The following FARP2 variants were observed in gnomAD, a reference collection of about 807,000 sequenced individuals.
FARP2 encodes the protein FERM, ARHGEF and pleckstrin domain-containing protein 2.
FARP2 carries 111 observed loss-of-function variants against 130.5 expected under a neutral mutation model. The observed-to-expected ratio is 0.85, with a 90% CI of 0.73 to 1.00. FARP2 has a LOEUF of 1.00. Ranked by LOEUF, FARP2 falls within the 50% of genes least tolerant of loss-of-function variation. FARP2 has a pLI of 0.00. For synonymous variants in FARP2, 504 were observed against 516.9 expected (o/e 0.98, Z 0.34); for missense variants, 1,385 against 1,346.3 (o/e 1.03, Z -0.45).
At chr2:241,417,155 G>T (rs2062694592) in intron 7 of FARP2, among the ~76,000 whole-genome samples, 1 of 150,990 alleles carries the variant, frequency 6.6e-6, no homozygotes, top group Non-Finnish European at 1.5e-5. Context: ...CAAAAAGCTG[G>T]GCATGGTAGC....
chr2:241,369,929 C>T (rs1347252443), intron 1 of FARP2, among the ~76,000 whole-genome samples: 1 of 152,046 alleles, frequency 6.6e-6, no homozygotes, highest in Non-Finnish European at 1.5e-5. Context: ...CTTACTTTTG[C>T]ATTAACTACT....
At position 241,463,985 on chromosome 2, in the gene FARP2, G is replaced by T. The variant is rs1374209647; in HGVS notation, c.1893+5G>T. 1 of 1,611,928 alleles carries T rather than the reference G, an allele frequency of 6.2e-7. No homozygotes were observed. Among genetic ancestry groups the T allele is most frequent in the East Asian group, 2.2e-5 (1 of 44,868 alleles). On this transcript the variant is annotated splice_donor_5th_base_variant and intron_variant, in intron 17 of 26. Transcript: ENST00000264042. ...AGGAACATGCGCCAGTTAAAGGTAG[G>T]CTGCATGGTGACTACTGCCTACATG...
intron 13 of FARP2, among the ~76,000 whole-genome samples, chr2:241,447,966 T>A (rs1574842624): frequency 6.6e-6 from 1 of 151,898 alleles, no homozygotes; most frequent in Non-Finnish European, 1.5e-5. Context: ...GTGGGCAGGG[T>A]GCTCAGTGAG....
At chr2:241,449,348 A>T (rs1229464705) in intron 13 of FARP2, among the ~76,000 whole-genome samples, 2 of 152,130 alleles carry the variant, frequency 1.3e-5, no homozygotes, top group African/African-American at 4.8e-5. Flanking sequence ...GTAACAATTC[A>T]TTCATTGAGC....
In FARP2 at chr2:241,434,297, GC is replaced by G. The variant is rs1268471695; in HGVS notation, c.1009del (p.Arg337GlyfsTer15). Reference protein sequence around the residue: ...PKPKAKAVFFSRGSSFRYSGR... With the variant: ...PKPKAKAVFFXRGSSFRYSGR... ...CCAAAAGCAAAAGCCGTCTTCTTCA[GC>G]CGGGGCTCCTCCTTCAGATACAGGT... is the stretch of plus-strand genomic sequence containing the variant. On this transcript the variant is annotated frameshift_variant, in exon 10 of 27. Transcript: ENST00000264042. LOFTEE classifies it high-confidence loss of function. 6.2e-7 allele frequency: 1 copy of G among 1,612,608 alleles called. No individual in the cohort carries two copies.
intron 2 of FARP2, among the ~76,000 whole-genome samples, chr2:241,402,512 A>T (rs2062195844): frequency 6.6e-6 from 1 of 151,986 alleles, no homozygotes. Flanking sequence ...TTTCACTTTT[A>T]TTTAAGTCAA....
chr2:241,369,782 A>G (rs952662915), intron 1 of FARP2, among the ~76,000 whole-genome samples: 6 of 152,238 alleles, frequency 3.9e-5, no homozygotes, highest in Non-Finnish European at 8.8e-5. Context: ...CCTTTGTTTC[A>G]GAAGAACCCA....
At chr2:241,385,742 T>C (rs927653376) in intron 2 of FARP2, among the ~76,000 whole-genome samples, 1 of 151,930 alleles carries the variant, frequency 6.6e-6, no homozygotes, top group Non-Finnish European at 1.5e-5. Flanking sequence ...AAAAAAAAAT[T>C]TTAATTACCT....
At chr2:241,470,282 GTGTA>G in intron 18 of FARP2, among the ~76,000 whole-genome samples, 1 of 152,366 alleles carries the variant, frequency 6.6e-6, no homozygotes, top group Middle Eastern at 3.4e-3. Context: ...TGGATGTTAA[GTGTA>G]TGTTGTTGAT....
chr2:241,383,521 G>T (rs942942879), intron 2 of FARP2, among the ~76,000 whole-genome samples: 1 of 152,198 alleles, frequency 6.6e-6, no homozygotes, highest in Non-Finnish European at 1.5e-5. Context: ...GAGCAGAGAG[G>T]CATCTAGGAG....
chr2:241,392,953 A>AG (rs2061943506), intron 2 of FARP2, among the ~76,000 whole-genome samples: 1 of 151,412 alleles, frequency 6.6e-6, no homozygotes, highest in South Asian at 2.1e-4. Flanking sequence ...AAAAAAGAAA[A>AG]AAAAAAAGCA....
intron 12 of FARP2, among the ~76,000 whole-genome samples, chr2:241,439,838 A>T (rs1445746103): frequency 3.3e-5 from 5 of 152,044 alleles, no homozygotes; most frequent in Non-Finnish European, 1.5e-5. Flanking sequence ...GGCGCGTATA[A>T]TCCCAGCTAC....
chr2:241,493,443 A>G lies in FARP2; in HGVS notation c.3046A>G (p.Arg1016Gly), dbSNP rs1192066303. The change falls in exon 26 of 27, where the codon AGG (arginine) becomes GGG (glycine). Residue 1016 changes from arginine (R) to glycine (G), a missense_variant and splice_region_variant. Transcript: ENST00000264042. ...FRAESKYTFE[R>G]WMEVIQGASS... ...GGCTGAGAGCAAGTACACATTTGAA[A>G]GGTAATTTTGCAGGAGGCAGCCCTG... The G allele has an allele frequency of 3.7e-6, 6 of 1,613,596 alleles. No homozygotes were observed. Among genetic ancestry groups the G allele is most frequent in the South Asian group, 3.3e-5 (3 of 91,084 alleles).
intron 2 of FARP2, among the ~76,000 whole-genome samples, chr2:241,397,458 A>G (rs2062058556): frequency 1.3e-5 from 2 of 152,198 alleles, no homozygotes; most frequent in Admixed American, 6.5e-5. Flanking sequence ...ACAGTGATCT[A>G]TGTTAAGTGA....
rs560547191 is a variant in FARP2 at position 241,391,860 on chromosome 2, G to A, written c.184-11968G>A. Reference sequence around the variant, plus strand: ...GAGAATACCATTGAATCGTTCAAGGGCCAGTCAGGAGACAGAAACTGTACC... The same window carrying A: ...GAGAATACCATTGAATCGTTCAAGGACCAGTCAGGAGACAGAAACTGTACC... On this transcript the variant is annotated intron_variant, in intron 2 of 26. Transcript: ENST00000264042. Among the ~76,000 whole-genome samples the A allele has an allele frequency of 6.2e-4, 95 of 152,264 alleles. 1 individual carries two copies. Among genetic ancestry groups the A allele is most frequent in the African/African-American group, 2.2e-3 (91 of 41,544 alleles).
chr2:241,407,981 A>T (rs1574759453), intron 5 of FARP2, among the ~76,000 whole-genome samples: 1 of 152,318 alleles, frequency 6.6e-6, no homozygotes, highest in East Asian at 1.9e-4. Context: ...AGAAGTACCC[A>T]GTGTGTTAGT....
intron 9 of FARP2, among the ~76,000 whole-genome samples, 192 bp from the exon 10 acceptor site, chr2:241,433,966 G>C (rs2063154418): frequency 6.6e-6 from 1 of 152,122 alleles, no homozygotes; most frequent in African/African-American, 2.4e-5. Context: ...AGCCTGGGAG[G>C]TTGAAGTTGC....
chr2:241,385,886 T>C (rs1286440676), intron 2 of FARP2, among the ~76,000 whole-genome samples: 1 of 152,244 alleles, frequency 6.6e-6, no homozygotes, highest in African/African-American at 2.4e-5. Context: ...TTCTGTCCTT[T>C]TGATTACATA....
At chr2:241,377,428 G>A (rs62193206) in intron 2 of FARP2, among the ~76,000 whole-genome samples, 16,894 of 149,620 alleles carry the variant, frequency 0.11, 1,182 homozygotes, top group Non-Finnish European at 0.15. Flanking sequence ...TGCAAGCTCC[G>A]CTTCCTGGGT....
Sources: allele counts gnomAD v4.1 joint callset (sites outside exome capture counted in the v4.1 genomes callset), GRCh38; gene constraint gnomAD v4.1.1; transcripts MANE v1.5; gene names NCBI Gene and HGNC (gene_info 2026-07-23, HGNC 2026-07-21).